Variants in FAM24B observed in about 807,000 individuals in gnomAD.
FAM24B encodes family with sequence similarity 24 member B, also known as protein FAM24B.
A neutral mutation model predicts 2.3 loss-of-function variants in FAM24B; 3 were observed. That is an observed-to-expected ratio of 1.29 (90% CI 0.59 to 3.32). The LOEUF (loss-of-function observed/expected upper bound fraction) is 3.32, where lower values mean the gene tolerates loss of function less well. FAM24B is among the 30% of genes most tolerant of loss of function. FAM24B has a pLI of 0.03. For synonymous variants in FAM24B, 36 were observed against 46.3 expected (o/e 0.78, Z 0.90); for missense variants, 98 against 117.2 (o/e 0.84, Z 0.76).
At chr10:122,872,303 T>C (rs890351276) in intron 1 of FAM24B, among the ~76,000 whole-genome samples, 34 of 152,124 alleles carry the variant, frequency 2.2e-4, no homozygotes, top group African/African-American at 8.2e-4. Context: ...CTGGAGAGGA[T>C]GTGGAGAAAC....
In FAM24B at chr10:122,856,377, G is replaced by A. The variant is rs145554773; in HGVS notation, c.-177-591C>T. Among the ~76,000 whole-genome samples, 224 of 151,978 alleles carry A rather than the reference G, an allele frequency of 1.5e-3. 1 individual carries two copies. Among genetic ancestry groups the A allele is most frequent in the African/African-American group, 5.2e-3 (215 of 41,432 alleles). ...GCAGACAGTGCCAATTATGTTCCCC[G>A]TGTAGCAAACAAGCAACCTGTCCTG... On this transcript the variant is annotated intron_variant, in intron 1 of 3. Transcript: ENST00000368898.
intron 2 of FAM24B, among the ~76,000 whole-genome samples, chr10:122,853,263 C>T (rs1847573027): frequency 6.6e-6 from 1 of 152,174 alleles, no homozygotes; most frequent in African/African-American, 2.4e-5. Context: ...TGCACCAACC[C>T]TACACTTGCT....
At chr10:122,869,212 T>C (rs1847851611) in intron 1 of FAM24B, among the ~76,000 whole-genome samples, 1 of 152,082 alleles carries the variant, frequency 6.6e-6, no homozygotes, top group Non-Finnish European at 1.5e-5. Context: ...GGTAAAGGGA[T>C]CAATTCAACA....
At position 122,870,283 on chromosome 10, in the gene FAM24B, G is replaced by C. The variant is rs571443731; in HGVS notation, c.-178+9202C>G. ...GACCAATAACAGGTGCTGAAATTGA[G>C]GCAATAATTAATAGCTTACCAACCA... is the stretch of plus-strand genomic sequence containing the variant. On this transcript the variant is annotated intron_variant, in intron 1 of 3. Coordinates refer to ENST00000368898, the MANE Select transcript of FAM24B (RefSeq NM_152644.3). Among the ~76,000 whole-genome samples, 23 of 152,250 alleles carry C rather than the reference G, an allele frequency of 1.5e-4. No homozygotes were observed. In the East Asian group the frequency reaches 4.4e-3, roughly 29 times the overall value.
chr10:122,867,300 G>C (rs1484615402), intron 1 of FAM24B, among the ~76,000 whole-genome samples: 1 of 152,230 alleles, frequency 6.6e-6, no homozygotes, highest in Non-Finnish European at 1.5e-5. Flanking sequence ...TGGGAAGATT[G>C]AACTGGGTGG....
chr10:122,860,418 T>A (rs563864388), intron 1 of FAM24B, among the ~76,000 whole-genome samples: 1 of 152,338 alleles, frequency 6.6e-6, no homozygotes, highest in South Asian at 2.1e-4. Flanking sequence ...CATTCATACA[T>A]TGAAGGACAT....
intron 1 of FAM24B, among the ~76,000 whole-genome samples, chr10:122,867,986 C>T (rs1270966349): frequency 6.6e-6 from 1 of 151,750 alleles, no homozygotes; most frequent in Non-Finnish European, 1.5e-5. Flanking sequence ...GAAGATCAAA[C>T]TACTCCGAGC....
At chr10:122,851,491 G>T (rs1050940870) in intron 2 of FAM24B, among the ~76,000 whole-genome samples, 7 of 152,158 alleles carry the variant, frequency 4.6e-5, no homozygotes, top group African/African-American at 1.4e-4. Flanking sequence ...CAACGCTCTG[G>T]ACACCAGCTC....
intron 1 of FAM24B, among the ~76,000 whole-genome samples, chr10:122,863,455 T>C (rs1247315003): frequency 6.6e-6 from 1 of 152,236 alleles, no homozygotes; most frequent in Non-Finnish European, 1.5e-5. Flanking sequence ...AGGCAGGCTA[T>C]AAACCTCAAG....
rs765502273 is a variant in FAM24B, at chr10:122,849,265, G to T, written c.267C>A (p.Asp89Glu). Residue 89 changes from aspartate (D) to glutamate (E), a missense_variant, in exon 4 of 4, where the codon GAC becomes GAA. Physicochemically the swap from Asp to Glu is conservative, Grantham distance 45 (BLOSUM62 2). Coordinates refer to ENST00000368898, the MANE Select transcript of FAM24B (RefSeq NM_152644.3). Reference sequence around the variant, plus strand: ...TCCTAACTCAGAGGCCCTCATTTATGTCGCAACAGCAAGGTGGCAGGGAAT... The same window carrying T: ...TCCTAACTCAGAGGCCCTCATTTATTTCGCAACAGCAAGGTGGCAGGGAAT... ...SFDSLPPCCCDINEGL is the reference protein window; with the variant it reads ...SFDSLPPCCCEINEGL 2 of 1,574,240 alleles carry T rather than the reference G, an allele frequency of 1.3e-6. No homozygotes were observed. The highest frequency in any genetic ancestry group is 3.6e-5 in the Admixed American group (2 of 55,780).
At chr10:122,851,949 T>C (rs1262235529) in intron 2 of FAM24B, among the ~76,000 whole-genome samples, 2 of 152,046 alleles carry the variant, frequency 1.3e-5, no homozygotes, top group African/African-American at 4.8e-5. Context: ...GAAACTACAA[T>C]AACTGAAATG....
chr10:122,862,572 T>C (rs1349410955), intron 1 of FAM24B, among the ~76,000 whole-genome samples: 1 of 152,202 alleles, frequency 6.6e-6, no homozygotes, highest in Non-Finnish European at 1.5e-5. Context: ...AAATGAGTTA[T>C]TTTTAAGGAA....
intron 1 of FAM24B, among the ~76,000 whole-genome samples, chr10:122,877,401 C>T (rs1847991758): frequency 6.6e-6 from 1 of 151,914 alleles, no homozygotes; most frequent in South Asian, 2.1e-4. Flanking sequence ...GAGATGAAAT[C>T]ACAAGGGGTG....
At chr10:122,857,939 C>T (rs1392703610) in intron 1 of FAM24B, among the ~76,000 whole-genome samples, 1 of 152,218 alleles carries the variant, frequency 6.6e-6, no homozygotes, top group Non-Finnish European at 1.5e-5. Flanking sequence ...CAGGCACTGG[C>T]AAGGCTGGCT....
chr10:122,861,634 C>T (rs1223326128), intron 1 of FAM24B, among the ~76,000 whole-genome samples: 1 of 152,170 alleles, frequency 6.6e-6, no homozygotes, highest in Non-Finnish European at 1.5e-5. Flanking sequence ...TTATAATACT[C>T]AGAATACAGA....
At chr10:122,864,171 G>A (rs1432931538) in intron 1 of FAM24B, among the ~76,000 whole-genome samples, 5 of 152,142 alleles carry the variant, frequency 3.3e-5, no homozygotes, top group African/African-American at 1.2e-4. Flanking sequence ...TAGCATTACA[G>A]TAATTTTATT....
intron 2 of FAM24B, among the ~76,000 whole-genome samples, chr10:122,853,752 A>C (rs1847587720): frequency 6.6e-6 from 1 of 152,150 alleles, no homozygotes; most frequent in Non-Finnish European, 1.5e-5. Flanking sequence ...TGAAAGTGAA[A>C]ATAAATTAGC....
chr10:122,867,800 A>G (rs946562969), intron 1 of FAM24B, among the ~76,000 whole-genome samples: 1 of 152,170 alleles, frequency 6.6e-6, no homozygotes, highest in Non-Finnish European at 1.5e-5. Context: ...TACGTCACCA[A>G]CATCAAAGAC....
At chr10:122,849,599 G>T (rs374507210) in intron 3 of FAM24B, among the ~76,000 whole-genome samples, 160 bp from the exon 4 acceptor site, 2 of 151,900 alleles carry the variant, frequency 1.3e-5, no homozygotes, top group Non-Finnish European at 2.9e-5. Flanking sequence ...AGTTCCTCTC[G>T]AATCCTTTCC....
Sources: gnomAD v4.1 joint callset for allele counts (sites outside exome capture counted in the v4.1 genomes callset) on GRCh38, gnomAD v4.1.1 for gene constraint, MANE v1.5 for transcripts, NCBI Gene and HGNC (gene_info 2026-07-23, HGNC 2026-07-21) for gene names.